ANKRD6: variants seen among roughly 807,000 people sequenced by gnomAD.
ANKRD6 encodes the protein ankyrin repeat domain 6, also known as ankyrin repeat domain-containing protein 6.
A neutral mutation model predicts 82.3 loss-of-function variants in ANKRD6; 56 were observed. That is an observed-to-expected ratio of 0.68 (90% confidence interval 0.55 to 0.85). The LOEUF is 0.85. Ranked by LOEUF, ANKRD6 falls within the 40% of genes least tolerant of loss-of-function variation. The pLI is 0.00. For missense variants in ANKRD6, 852 were observed against 907.6 expected (o/e 0.94, Z 0.79); for synonymous variants, 347 against 352.1 (o/e 0.99, Z 0.16).
At chr6:89,533,591 G>A (rs1419121123) in intron 1 of ANKRD6, among the ~76,000 whole-genome samples, 1 of 152,172 alleles carries the variant, frequency 6.6e-6, no homozygotes, top group Non-Finnish European at 1.5e-5. Context: ...GAGCAAGAGA[G>A]CAAGGTTGCT....
At chr6:89,516,419 G>T (rs1406708540) in intron 1 of ANKRD6, among the ~76,000 whole-genome samples, 1 of 152,142 alleles carries the variant, frequency 6.6e-6, no homozygotes, top group Admixed American at 6.5e-5. Flanking sequence ...GTTTTCCTGG[G>T]TTTCCAGCTT....
At chr6:89,564,091 G>A (rs573831961) in intron 1 of ANKRD6, among the ~76,000 whole-genome samples, 58 of 152,302 alleles carry the variant, frequency 3.8e-4, no homozygotes, top group African/African-American at 1.4e-3. Flanking sequence ...AATTGAAAAT[G>A]AGTTTGAGAT....
rs1271513971 is a variant in ANKRD6 at position 89,527,623 on chromosome 6, A to AT, written c.-143-39211_-143-39210insT. Among the ~76,000 whole-genome samples the AT allele has an allele frequency of 4.0e-5, 6 of 150,372 alleles. No homozygotes were observed. The South Asian group carries it at 6.3e-4, about 16-fold the overall frequency. On this transcript the variant is annotated intron_variant, in intron 1 of 15. Transcript: ENST00000339746. The stretch of plus-strand genomic sequence containing the variant: ...TCTCAAAAAAAAAAAAAAAAAAAAA[A>AT]AAAGAAAAAGAAAAGAAAAACAAAC...
chr6:89,518,402 CAAA>C (rs1217212093), intron 1 of ANKRD6, among the ~76,000 whole-genome samples: 2 of 109,270 alleles, frequency 1.8e-5, no homozygotes. Flanking sequence ...GACTCCGTCT[CAAA>C]AAAAAAAAAA....
At chr6:89,599,708 C>T (rs544473769) in intron 3 of ANKRD6, among the ~76,000 whole-genome samples, 126 of 152,246 alleles carry the variant, frequency 8.3e-4, no homozygotes, top group Non-Finnish European at 1.5e-3. Context: ...CCTGAGGCAG[C>T]TATTGTTTAC....
chr6:89,456,057 T>C (rs1256113818), intron 1 of ANKRD6, among the ~76,000 whole-genome samples: 1 of 152,182 alleles, frequency 6.6e-6, no homozygotes, highest in Non-Finnish European at 1.5e-5. Flanking sequence ...GTATTTTTAG[T>C]AGAGACAGGA....
intron 1 of ANKRD6, among the ~76,000 whole-genome samples, chr6:89,563,473 G>T (rs1453156280): frequency 6.6e-6 from 1 of 152,244 alleles, no homozygotes; most frequent in Non-Finnish European, 1.5e-5. Context: ...ACAAAGAGGG[G>T]TGTAATTGAT....
chr6:89,608,281 T>TC, intron 5 of ANKRD6, among the ~76,000 whole-genome samples: 1 of 151,284 alleles, frequency 6.6e-6, no homozygotes, highest in Non-Finnish European at 1.5e-5. Context: ...GGATAATGAA[T>TC]CAGGTGGGCT....
chr6:89,618,058 A>G lies in ANKRD6; in HGVS notation c.792+27A>G, dbSNP rs771363674. 8 of 1,612,262 alleles carry G rather than the reference A, an allele frequency of 5.0e-6. No individual in the cohort carries two copies. In the South Asian group the frequency reaches 7.7e-5, roughly 15 times the overall value. ...TAGGATTTACTGCCCTTTCCATGGT[A>G]CTGATTATGCGGGACTACAAAGTTG... On this transcript the variant is annotated intron_variant, in intron 9 of 15. Transcript: ENST00000339746.
At chr6:89,437,672 G>A (rs1270664393) in intron 1 of ANKRD6, among the ~76,000 whole-genome samples, 2 of 152,068 alleles carry the variant, frequency 1.3e-5, no homozygotes, top group African/African-American at 2.4e-5. Flanking sequence ...CATACAATAC[G>A]TCCTACCTTG....
At chr6:89,504,970 G>A (rs766446965) in intron 1 of ANKRD6, 9 of 152,176 alleles carry the variant, frequency 5.9e-5, no homozygotes, top group East Asian at 1.9e-4. Context: ...TGTAAGTAGC[G>A]AGCTTGGTTT....
Position 89,602,634 on chromosome 6 carries a change from G to A in ANKRD6, c.220-395G>A, listed in dbSNP as rs553855047. 16 of 175,616 alleles carry A rather than the reference G, an allele frequency of 9.1e-5. No individual in the cohort carries two copies. In the South Asian group the frequency reaches 1.2e-3, roughly 14 times the overall value. The allele number at this position is 175,616 out of a possible 1,614,324, so 10.9% of individuals were successfully genotyped here. A position where few individuals can be genotyped will look rare whatever the true frequency, so the allele number is the denominator to read the frequency against. The stretch of plus-strand genomic sequence containing the variant: ...TGGTCCCCCTGCAAGCTGGAAACTC[G>A]GCAGGCAGTAGAGATTCCAGGCATT... On this transcript the variant is annotated intron_variant, in intron 3 of 15. Coordinates refer to ENST00000339746, the MANE Select transcript of ANKRD6 (RefSeq NM_001242809.2).
At chr6:89,538,518 G>GT (rs1784113424) in intron 1 of ANKRD6, among the ~76,000 whole-genome samples, 2 of 152,158 alleles carry the variant, frequency 1.3e-5, no homozygotes, top group African/African-American at 4.8e-5. Flanking sequence ...GCACCATAAT[G>GT]TAAGTCAACA....
Position 89,504,142 on chromosome 6 carries a change from G to C in ANKRD6, c.-143-62692G>C, listed in dbSNP as rs575745732. Among the ~76,000 whole-genome samples, 152 of 116,464 alleles carry C rather than the reference G, an allele frequency of 1.3e-3. 1 individual carries two copies. The highest frequency in any genetic ancestry group is 2.1e-3 in the Non-Finnish European group (120 of 57,798). The allele number at this position is 116,464 out of a possible 152,430, so 76.4% of individuals were successfully genotyped here. A position where few individuals can be genotyped will look rare whatever the true frequency, so the allele number is the denominator to read the frequency against. ...TGAGATAGTGTGGGGGGCGGGGGGT[G>C]GGGGGGAAGGAAGAACGGAAACAGA... On this transcript the variant is annotated intron_variant, in intron 1 of 15. Coordinates refer to ENST00000339746, the MANE Select transcript of ANKRD6 (RefSeq NM_001242809.2).
intron 1 of ANKRD6, among the ~76,000 whole-genome samples, chr6:89,442,985 C>T (rs1771617364): frequency 6.6e-6 from 1 of 152,094 alleles, no homozygotes; most frequent in African/African-American, 2.4e-5. Flanking sequence ...CAATTTTCCC[C>T]CCACAAAAGA....
At chr6:89,628,162 TAATG>T (rs920591749) in intron 14 of ANKRD6, 1 of 167,078 alleles carries the variant, frequency 6.0e-6, no homozygotes, top group African/African-American at 2.4e-5. Context: ...TCTAGTCACT[TAATG>T]AAGATTGTAG....
intron 1 of ANKRD6, among the ~76,000 whole-genome samples, chr6:89,484,906 A>G (rs1367071459): frequency 6.6e-6 from 1 of 152,216 alleles, no homozygotes; most frequent in South Asian, 2.1e-4. Context: ...CGTGGGCTCT[A>G]TCTCTAGCTA....
At position 89,517,856 on chromosome 6, in the gene ANKRD6, C is replaced by T. The variant is rs1322447343; in HGVS notation, c.-143-48978C>T. 4.6e-5 allele frequency among the ~76,000 whole-genome samples: 7 copies of T among 152,344 alleles called. No individual in the cohort carries two copies. In the East Asian group the frequency reaches 1.4e-3, roughly 29 times the overall value. ...ATGGGAGTAGCCACTGTCACATCAG[C>T]AGGTCATGGGATCTTACCAGTCATA... On this transcript the variant is annotated intron_variant, in intron 1 of 15. Coordinates refer to ENST00000339746, the MANE Select transcript of ANKRD6 (RefSeq NM_001242809.2).
intron 1 of ANKRD6, among the ~76,000 whole-genome samples, chr6:89,524,377 G>T (rs999771841): frequency 6.6e-6 from 1 of 151,940 alleles, no homozygotes; most frequent in Non-Finnish European, 1.5e-5. Context: ...CCACTTACAA[G>T]TGAGAACATA....
Sources: gnomAD v4.1 joint callset for allele counts (sites outside exome capture counted in the v4.1 genomes callset) on GRCh38, gnomAD v4.1.1 for gene constraint, MANE v1.5 for transcripts, NCBI Gene and HGNC (gene_info 2026-07-23, HGNC 2026-07-21) for gene names.